FMNL2: variants seen among roughly 807,000 people sequenced by gnomAD.
FMNL2 encodes formin like 2, also known as formin-like protein 2.
A neutral mutation model predicts 130.2 loss-of-function variants in FMNL2; 51 were observed. That is an observed-to-expected ratio of 0.39 (90% CI 0.31 to 0.49). FMNL2 has a LOEUF of 0.49. Ranked by LOEUF, FMNL2 falls within the 20% of genes least tolerant of loss-of-function variation. The pLI, the probability that FMNL2 is intolerant of heterozygous loss-of-function variation, is 0.85. For synonymous variants in FMNL2, 465 were observed against 467.1 expected, an observed-to-expected ratio of 1.00 and a Z score of 0.06; for missense variants, 977 against 1,316.2, an observed-to-expected ratio of 0.74 and a Z score of 3.99.
Position 152,503,236 on chromosome 2 carries a change from A to G in FMNL2, c.118-18707A>G, listed in dbSNP as rs534575281. Among the ~76,000 whole-genome samples, 14 of 152,360 alleles carry G rather than the reference A, an allele frequency of 9.2e-5. No homozygotes were observed. The South Asian group carries it at 2.9e-3, about 32-fold the overall frequency. On this transcript the variant is annotated intron_variant, in intron 1 of 25. Transcript: ENST00000288670. ...ACAGAGCATGGACAAATAGGAATTT[A>G]TAGCCAAGGAGTGGAGTGGAGGTCA...
rs191219085 is a variant in FMNL2 at position 152,477,058 on chromosome 2, G to C, written c.118-44885G>C. The stretch of plus-strand genomic sequence containing the variant: ...GTTTTCAATGCATGAAAATGCCCTT[G>C]GTTAGAAATAAACAAAAAGTATGGG... On this transcript the variant is annotated intron_variant, in intron 1 of 25. Transcript: ENST00000288670. 1.9e-4 allele frequency among the ~76,000 whole-genome samples: 29 copies of C among 152,186 alleles called. No individual in the cohort carries two copies. The East Asian group carries it at 5.4e-3, about 28-fold the overall frequency.
chr2:152,418,034 TG>T (rs1226639511), intron 1 of FMNL2, among the ~76,000 whole-genome samples: 1 of 152,000 alleles, frequency 6.6e-6, no homozygotes, highest in Admixed American at 6.6e-5. Context: ...TTAGTAGAGA[TG>T]GGGTTTCACC....
intron 1 of FMNL2, among the ~76,000 whole-genome samples, chr2:152,408,394 A>C (rs1686113069): frequency 6.6e-6 from 1 of 152,188 alleles, no homozygotes; most frequent in Admixed American, 6.5e-5. Context: ...ATGCATTTAA[A>C]GCTTCCAGGG....
intron 6 of FMNL2, among the ~76,000 whole-genome samples, chr2:152,569,930 G>GA (rs1337422045): frequency 6.6e-6 from 1 of 151,002 alleles, no homozygotes; most frequent in East Asian, 1.9e-4. Flanking sequence ...AGAATTGCTT[G>GA]AACCCACGAG....
At chr2:152,420,506 C>A (rs945240589) in intron 1 of FMNL2, among the ~76,000 whole-genome samples, 47 of 152,174 alleles carry the variant, frequency 3.1e-4, no homozygotes, top group African/African-American at 1.1e-3. Context: ...TTAATAAGGT[C>A]TTTCTCCGAG....
intron 3 of FMNL2, among the ~76,000 whole-genome samples, chr2:152,548,433 G>A (rs1232769221): frequency 6.6e-6 from 1 of 152,116 alleles, no homozygotes; most frequent in Non-Finnish European, 1.5e-5. Flanking sequence ...TTTTCCCTCT[G>A]GGAGTCTGAA....
intron 1 of FMNL2, among the ~76,000 whole-genome samples, chr2:152,387,718 A>G (rs1009581866): frequency 7.9e-5 from 12 of 152,116 alleles, no homozygotes; most frequent in East Asian, 7.7e-4. Flanking sequence ...CAGTAGTGCA[A>G]TGATAGCTGA....
chr2:152,382,008 A>T (rs1378333659), intron 1 of FMNL2, among the ~76,000 whole-genome samples: 1 of 152,122 alleles, frequency 6.6e-6, no homozygotes, highest in Non-Finnish European at 1.5e-5. Context: ...CATGTTGCCC[A>T]GGCAGGTCTT....
chr2:152,601,494 T>G (rs1459925316), intron 9 of FMNL2, among the ~76,000 whole-genome samples: 3 of 151,134 alleles, frequency 2.0e-5, no homozygotes, highest in Non-Finnish European at 2.9e-5. Context: ...AGAGACTGGT[T>G]TTCACTACCT....
chr2:152,504,284 C>T (rs114502964), intron 1 of FMNL2, among the ~76,000 whole-genome samples: 3,286 of 148,278 alleles, frequency 0.022, 130 homozygotes, highest in Admixed American at 0.087. Flanking sequence ...TTCTTCGAGA[C>T]GGGGTCTTGC....
intron 1 of FMNL2, among the ~76,000 whole-genome samples, chr2:152,373,964 C>T (rs1443613246): frequency 1.3e-5 from 2 of 151,916 alleles, no homozygotes; most frequent in Non-Finnish European, 2.9e-5. Context: ...GCATACAAAA[C>T]AGTAGATTTT....
intron 9 of FMNL2, among the ~76,000 whole-genome samples, chr2:152,605,312 G>A (rs993886366): frequency 2.1e-5 from 3 of 146,332 alleles, no homozygotes; most frequent in African/African-American, 5.4e-5. Context: ...GTGTGCGTGT[G>A]TGTGTGCGTG....
chr2:152,390,183 G>T (rs1196542641), intron 1 of FMNL2: 1 of 1,328,222 alleles, frequency 7.5e-7, no homozygotes. Context: ...GTCGGAGCTG[G>T]ACCTGGTGGT....
chr2:152,354,699 C>T (rs6734534), intron 1 of FMNL2, among the ~76,000 whole-genome samples: 77,837 of 152,054 alleles, frequency 0.51, 24,036 homozygotes, highest in Non-Finnish European at 0.72. Context: ...GAAAATTGCT[C>T]ATTTTTCTCT....
intron 1 of FMNL2, among the ~76,000 whole-genome samples, chr2:152,352,236 G>A (rs1682534448): frequency 6.6e-6 from 1 of 152,178 alleles, no homozygotes; most frequent in Non-Finnish European, 1.5e-5. Flanking sequence ...TTTCATGCAT[G>A]TTCAGTAATA....
chr2:152,618,753 C>T, intron 13 of FMNL2, 93 bp from the exon 14 acceptor site: 2 of 1,136,032 alleles, frequency 1.8e-6, no homozygotes, highest in Non-Finnish European at 2.5e-6. Context: ...ATATGAGTAT[C>T]TTTTTTTCTC....
At chr2:152,589,940 CATAT>C (rs771625998) in intron 9 of FMNL2, among the ~76,000 whole-genome samples, 894 of 66,902 alleles carry the variant, frequency 0.013, 25 homozygotes, top group African/African-American at 0.033. Flanking sequence ...TGGCTTTATA[CATAT>C]ATATATATAT....
chr2:152,395,925 A>T (rs1156751762), intron 1 of FMNL2, among the ~76,000 whole-genome samples: 1 of 152,120 alleles, frequency 6.6e-6, no homozygotes, highest in East Asian at 1.9e-4. Context: ...GCGGCAGGCA[A>T]AACAGTCATG....
intron 9 of FMNL2, among the ~76,000 whole-genome samples, chr2:152,591,584 C>T (rs1017589120): frequency 1.3e-5 from 2 of 152,212 alleles, no homozygotes; most frequent in African/African-American, 4.8e-5. Flanking sequence ...GGTGGAAGGA[C>T]TGCTATAGCC....
Sources: allele counts gnomAD v4.1 joint callset (sites outside exome capture counted in the v4.1 genomes callset), GRCh38; gene constraint gnomAD v4.1.1; transcripts MANE v1.5; gene names NCBI Gene and HGNC (gene_info 2026-07-23, HGNC 2026-07-21).